TNS3: variants seen among roughly 807,000 people sequenced by gnomAD.
TNS3 encodes the protein tensin-3.
Under a neutral mutation model 140.9 loss-of-function variants are expected in TNS3, and 45 were observed. That is an observed-to-expected ratio of 0.32 (90% CI 0.25 to 0.41). The LOEUF (loss-of-function observed/expected upper bound fraction) is 0.41, where lower values mean the gene tolerates loss of function less well. Ranked by LOEUF, TNS3 falls within the 10% of genes least tolerant of loss-of-function variation. TNS3 has a pLI of 1.00. For missense variants in TNS3, 1,716 were observed against 1,906.7 expected, an observed-to-expected ratio of 0.90 and a Z score of 1.86; for synonymous variants, 815 against 788.4, an observed-to-expected ratio of 1.03 and a Z score of -0.56.
Position 47,302,919 on chromosome 7 carries a change from G to A in TNS3, c.3457+31C>T, listed in dbSNP as rs1299244528. 3.8e-6 allele frequency: 6 copies of A among 1,566,178 alleles called. No individual in the cohort carries two copies. The African/African-American group carries it at 6.8e-5, about 18-fold the overall frequency. On this transcript the variant is annotated intron_variant, in intron 22 of 30. Transcript: ENST00000311160. ...CCCTTCCCCAGTGAATGGACAGAGG[G>A]GCCCTTCCAACCAGCTGGAAACACA... is the stretch of plus-strand genomic sequence containing the variant.
intron 3 of TNS3, among the ~76,000 whole-genome samples, chr7:47,501,690 C>T (rs75366454): frequency 0.019 from 2,917 of 152,128 alleles, 51 homozygotes; most frequent in Admixed American, 0.036. Context: ...CGCACAGCTG[C>T]GACAGCCGAG....
intron 3 of TNS3, among the ~76,000 whole-genome samples, chr7:47,502,756 T>C (rs1463934147): frequency 6.6e-6 from 1 of 152,220 alleles, no homozygotes; most frequent in Non-Finnish European, 1.5e-5. Context: ...TGGAAGAAGA[T>C]GCTGAGGCCA....
At chr7:47,284,656 C>A (rs1205794317) in intron 27 of TNS3, among the ~76,000 whole-genome samples, 1 of 152,238 alleles carries the variant, frequency 6.6e-6, no homozygotes. Context: ...GCCTCTCCTG[C>A]CCAAAGGCTG....
rs747343315 is a variant in TNS3 at position 47,368,789 on chromosome 7, A to G, written c.1857T>C (p.Asn619=). The change falls in exon 17 of 31, where the codon AAT becomes AAC. Residue 619 remains asparagine (N), a synonymous_variant. Coordinates refer to ENST00000311160, the MANE Select transcript of TNS3 (RefSeq NM_022748.12). ...ARLVSRCPAD[N]PGLVQAQPRV... ...TGGGCTGGGCCTGGACGAGGCCAGGATTGTCTGCAGGGCAGCGGCTCACCA... is the reference window on the plus strand; with the variant it reads ...TGGGCTGGGCCTGGACGAGGCCAGGGTTGTCTGCAGGGCAGCGGCTCACCA... 35 of 1,604,502 alleles carry G rather than the reference A, an allele frequency of 2.2e-5. No individual in the cohort carries two copies. The South Asian group carries it at 3.9e-4, about 18-fold the overall frequency.
chr7:47,388,298 G>C (rs976706209), intron 16 of TNS3, among the ~76,000 whole-genome samples: 2 of 152,130 alleles, frequency 1.3e-5, no homozygotes, highest in Non-Finnish European at 2.9e-5. Context: ...CGTGGCTCAG[G>C]GTCCCAGGGA....
rs1234632185 is a variant in TNS3, at chr7:47,579,922, C to G, written c.-265+2129G>C. On this transcript the variant is annotated intron_variant, in intron 1 of 30. Transcript: ENST00000311160. The stretch of plus-strand genomic sequence containing the variant: ...TGCAGTGGAAGAGCATACTTTGACA[C>G]CCCCTCTCCTGCCCTTTATTTCCAG... The G allele has an allele frequency of 6.3e-6, 5 of 796,168 alleles. No homozygotes were observed. The African/African-American group carries it at 9.4e-5, about 15-fold the overall frequency. The allele number at this position is 796,168 out of a possible 1,614,324, so 49.3% of individuals were successfully genotyped here.
At chr7:47,410,307 GA>G (rs1295323912) in intron 13 of TNS3, among the ~76,000 whole-genome samples, 1 of 152,172 alleles carries the variant, frequency 6.6e-6, no homozygotes, top group African/African-American at 2.4e-5. Context: ...GAGAGCTGAG[GA>G]AACGGGCCTA....
At chr7:47,577,692 G>C (rs187087549) in intron 1 of TNS3, among the ~76,000 whole-genome samples, 3 of 152,204 alleles carry the variant, frequency 2.0e-5, no homozygotes, top group Non-Finnish European at 1.5e-5. Flanking sequence ...GTTCAGCAAC[G>C]ATCAGACTAG....
rs117371482 is a variant in TNS3, at chr7:47,300,498, G to A, written c.3544+1688C>T. On this transcript the variant is annotated intron_variant, in intron 23 of 30. Transcript: ENST00000311160. The stretch of plus-strand genomic sequence containing the variant: ...AGCAAGGGCAGGTACCTTCCACATG[G>A]CACTGCTCTCAGCAAACCCCCGCGG... Among the ~76,000 whole-genome samples the A allele has an allele frequency of 2.4e-3, 358 of 152,244 alleles. 14 individuals carry two copies. The East Asian group carries it at 0.06, about 26-fold the overall frequency.
chr7:47,551,699 G>A (rs978805912), intron 1 of TNS3, among the ~76,000 whole-genome samples: 1 of 152,208 alleles, frequency 6.6e-6, no homozygotes, highest in African/African-American at 2.4e-5. Context: ...AGACAGGAGA[G>A]AAACAACACC....
intron 1 of TNS3, among the ~76,000 whole-genome samples, chr7:47,532,036 C>T (rs970088453): frequency 2.7e-5 from 4 of 149,782 alleles, no homozygotes; most frequent in Non-Finnish European, 5.9e-5. Context: ...GGCATCTCTG[C>T]GGCCTGCACC....
chr7:47,320,626 C>T (rs1056007305), intron 20 of TNS3, among the ~76,000 whole-genome samples: 2 of 152,320 alleles, frequency 1.3e-5, no homozygotes, highest in South Asian at 2.1e-4. Flanking sequence ...GTGTCCTGAT[C>T]GCCCCCTTCT....
chr7:47,456,912 G>T (rs544109279), intron 4 of TNS3, among the ~76,000 whole-genome samples: 10 of 151,918 alleles, frequency 6.6e-5, no homozygotes, highest in East Asian at 1.9e-4. Flanking sequence ...AAGGTTATGA[G>T]TATTAGTGAA....
At chr7:47,293,693 T>A (rs200937327) in intron 25 of TNS3, 40 bp downstream of exon 25, 1 of 1,579,112 alleles carries the variant, frequency 6.3e-7, no homozygotes, top group South Asian at 1.1e-5. Context: ...CCAGGCCTCA[T>A]GAGTTCAGAA....
chr7:47,345,068 G>C (rs768800650), intron 18 of TNS3, 30 bp from the exon 19 acceptor site: 46 of 1,580,094 alleles, frequency 2.9e-5, no homozygotes, highest in Non-Finnish European at 3.9e-5. Context: ...TAGAATGTGA[G>C]AACAGGGAGT....
At chr7:47,345,734 G>C (rs1789297124) in intron 18 of TNS3, among the ~76,000 whole-genome samples, 1 of 152,172 alleles carries the variant, frequency 6.6e-6, no homozygotes, top group African/African-American at 2.4e-5. Flanking sequence ...AGGGAGGACT[G>C]AGGACCCTGT....
At chr7:47,472,745 G>A (rs144868986) in intron 4 of TNS3, among the ~76,000 whole-genome samples, 257 of 152,276 alleles carry the variant, frequency 1.7e-3, no homozygotes, top group African/African-American at 5.8e-3. Flanking sequence ...AGTAAATCCC[G>A]GACACTCCTG....
intron 1 of TNS3, among the ~76,000 whole-genome samples, chr7:47,564,403 G>A (rs1011572779): frequency 7.3e-5 from 11 of 151,696 alleles, no homozygotes; most frequent in Middle Eastern, 3.4e-3. Flanking sequence ...TTTGGGAGGC[G>A]GAGGCAGGCA....
chr7:47,367,287 A>C (rs1790760374), intron 17 of TNS3, among the ~76,000 whole-genome samples: 1 of 152,128 alleles, frequency 6.6e-6, no homozygotes, highest in Non-Finnish European at 1.5e-5. Context: ...GCTCCGTCCC[A>C]ATGCCCCTCT....
Sources: gnomAD v4.1 joint callset for allele counts (sites outside exome capture counted in the v4.1 genomes callset) on GRCh38, gnomAD v4.1.1 for gene constraint, MANE v1.5 for transcripts, NCBI Gene and HGNC (gene_info 2026-07-23, HGNC 2026-07-21) for gene names.